Variants in SGTB observed in about 807,000 individuals in gnomAD.
SGTB encodes the protein small glutamine-rich tetratricopeptide repeat-containing protein beta.
A neutral mutation model predicts 43.9 loss-of-function variants in SGTB; 19 were observed. That is an observed-to-expected ratio of 0.43 (90% confidence interval 0.30 to 0.63). The LOEUF (loss-of-function observed/expected upper bound fraction) is 0.63, where lower values mean the gene tolerates loss of function less well. SGTB is among the 30% of genes least tolerant of loss of function. The pLI, the probability that SGTB is intolerant of heterozygous loss-of-function variation, is 0.12. For missense variants in SGTB, 304 were observed against 358.9 expected (o/e 0.85, Z 1.24); for synonymous variants, 116 against 117.3 (o/e 0.99, Z 0.07).
chr5:65,720,886 A>C, intron 1 of SGTB, 57 bp from the exon 2 acceptor site: 1 of 1,543,294 alleles, frequency 6.5e-7, no homozygotes, highest in South Asian at 1.2e-5. Context: ...CAGTCAGGAA[A>C]GTCATAAATT....
intron 5 of SGTB, among the ~76,000 whole-genome samples, chr5:65,697,622 C>G (rs2150714922): frequency 6.6e-6 from 1 of 152,212 alleles, no homozygotes; most frequent in South Asian, 2.1e-4. Flanking sequence ...GATTCATTCT[C>G]CACAAACTAT....
chr5:65,696,843 C>T lies in SGTB; in HGVS notation c.374+7436G>A, dbSNP rs570597994. 7.2e-5 allele frequency among the ~76,000 whole-genome samples: 11 copies of T among 152,026 alleles called. No individual in the cohort carries two copies. In the East Asian group the frequency reaches 2.1e-3, roughly 29 times the overall value. On this transcript the variant is annotated intron_variant, in intron 5 of 10. Coordinates refer to ENST00000381007, the MANE Select transcript of SGTB (RefSeq NM_019072.3). ...AAGCATCAGTAGGATCCTAAAAGGCCAAAATAGAAGACAAGTACCAGAAAA... is the reference window on the plus strand; with the variant it reads ...AAGCATCAGTAGGATCCTAAAAGGCTAAAATAGAAGACAAGTACCAGAAAA...
intron 5 of SGTB, among the ~76,000 whole-genome samples, chr5:65,702,586 C>T (rs1757845702): frequency 6.6e-6 from 1 of 152,166 alleles, no homozygotes; most frequent in South Asian, 2.1e-4. Flanking sequence ...GGGTACTCCT[C>T]CTGCTGTGTC....
At position 65,697,865 on chromosome 5, in the gene SGTB, T is replaced by C. The variant is rs1293426730; in HGVS notation, c.374+6414A>G. 3.3e-5 allele frequency among the ~76,000 whole-genome samples: 5 copies of C among 152,096 alleles called. No homozygotes were observed. The East Asian group carries it at 5.8e-4, about 18-fold the overall frequency. ...TAAGCAAACTGATATATTCAAACAA[T>C]AGAATATTATTGATCAATAAAAAAG... On this transcript the variant is annotated intron_variant, in intron 5 of 10. Transcript: ENST00000381007.
intron 5 of SGTB, among the ~76,000 whole-genome samples, chr5:65,695,099 T>C (rs1026869814): frequency 6.6e-6 from 1 of 151,654 alleles, no homozygotes; most frequent in African/African-American, 2.4e-5. Flanking sequence ...AAGACAGGAG[T>C]GGGGAGTGCA....
chr5:65,680,340 T>G (rs1426588232), intron 8 of SGTB, among the ~76,000 whole-genome samples, 154 bp downstream of exon 8: 1 of 151,996 alleles, frequency 6.6e-6, no homozygotes, highest in East Asian at 1.9e-4. Context: ...GAAATAAAAG[T>G]TGGAAATAAA....
chr5:65,694,714 G>A (rs1456729862), intron 5 of SGTB, among the ~76,000 whole-genome samples: 2 of 152,054 alleles, frequency 1.3e-5, no homozygotes, highest in African/African-American at 4.8e-5. Flanking sequence ...CTGACCTCAG[G>A]TGATTCACCC....
At chr5:65,710,641 C>T (rs1758026557) in intron 3 of SGTB, among the ~76,000 whole-genome samples, 1 of 152,148 alleles carries the variant, frequency 6.6e-6, no homozygotes, top group Admixed American at 6.6e-5. Context: ...ACTTTCTCTG[C>T]CATATTCTGT....
chr5:65,722,412 C>CA, upstream of SGTB: 1 of 1,588,706 alleles, frequency 6.3e-7, no homozygotes, highest in Non-Finnish European at 8.6e-7. Flanking sequence ...GAAGCCTCCG[C>CA]AGGTACCTCC....
At chr5:65,682,098 A>G (rs1757409137) in intron 6 of SGTB, among the ~76,000 whole-genome samples, 1 of 152,242 alleles carries the variant, frequency 6.6e-6, no homozygotes, top group Non-Finnish European at 1.5e-5. Flanking sequence ...AGCTGCTCAA[A>G]AAGTAGCCAC....
Position 65,703,780 on chromosome 5 carries a change from G to A in SGTB, c.374+499C>T, listed in dbSNP as rs1161335592. Among the ~76,000 whole-genome samples the A allele has an allele frequency of 2.0e-5, 3 of 151,858 alleles. 1 individual carries two copies. In the East Asian group the frequency reaches 5.8e-4, roughly 29 times the overall value. Reference sequence around the variant, plus strand: ...AGGCCGGGCGCGGTGGCTCACGCCTGTAATCCCAGCACTTTGGGAGGCTGA... The same window carrying A: ...AGGCCGGGCGCGGTGGCTCACGCCTATAATCCCAGCACTTTGGGAGGCTGA... On this transcript the variant is annotated intron_variant, in intron 5 of 10. Transcript: ENST00000381007.
At chr5:65,684,153 C>T (rs753331852) in intron 6 of SGTB, among the ~76,000 whole-genome samples, 13 of 151,864 alleles carry the variant, frequency 8.6e-5, no homozygotes, top group South Asian at 6.3e-4. Flanking sequence ...GACACGATCA[C>T]GGCTCACCAC....
intron 5 of SGTB, among the ~76,000 whole-genome samples, chr5:65,688,100 A>G (rs935398677): frequency 5.3e-5 from 8 of 152,226 alleles, no homozygotes; most frequent in African/African-American, 1.9e-4. Context: ...CAAAACTGCT[A>G]AACCAAATTT....
Position 65,680,552 on chromosome 5 carries a change from C to T in SGTB, c.623G>A (p.Gly208Glu). ...AGCCATGTCAAAGCTCAGTCCAGTT[C>T]CTGTCTGTAAAACAATTATATCTGA... Reference protein sequence around the residue: ...QKLREVSSPTGTGLSFDMASL... With the variant: ...QKLREVSSPTETGLSFDMASL... The change falls in exon 8 of 11, where the codon GGA becomes GAA. Residue 208 changes from glycine to glutamate, a missense_variant. Coordinates refer to ENST00000381007, the MANE Select transcript of SGTB (RefSeq NM_019072.3). The T allele has an allele frequency of 6.2e-7, 1 of 1,614,114 alleles. No individual in the cohort carries two copies. Among genetic ancestry groups the T allele is most frequent in the Non-Finnish European group, 8.5e-7 (1 of 1,180,004 alleles).
At chr5:65,697,304 C>T (rs939867432) in intron 5 of SGTB, among the ~76,000 whole-genome samples, 1 of 152,080 alleles carries the variant, frequency 6.6e-6, no homozygotes, top group African/African-American at 2.4e-5. Flanking sequence ...TTCAGTTTTA[C>T]AAAAATTAAA....
chr5:65,671,293 T>C (rs1757149239), intron 10 of SGTB, among the ~76,000 whole-genome samples: 1 of 152,188 alleles, frequency 6.6e-6, no homozygotes, highest in Non-Finnish European at 1.5e-5. Flanking sequence ...TGATTTTTAC[T>C]GTTTGTCTCC....
At position 65,680,496 on chromosome 5, in the gene SGTB, T is replaced by A; in HGVS notation, c.679A>T (p.Met227Leu). 6.2e-7 allele frequency: 1 copy of A among 1,613,550 alleles called. No homozygotes were observed. The highest frequency in any genetic ancestry group is 8.5e-7 in the Non-Finnish European group (1 of 1,179,978). ...SLINNPAFIS[M>L]AASLMQNPQV... ...GGCAGAAAAGAAAGTATACTCACCATACTAATGAAGGCTGGATTATTTATC... is the reference window on the plus strand; with the variant it reads ...GGCAGAAAAGAAAGTATACTCACCAAACTAATGAAGGCTGGATTATTTATC... The change falls in exon 8 of 11, where the codon ATG (methionine) becomes TTG (leucine). Residue 227 changes from methionine (M) to leucine (L), a missense_variant and splice_region_variant. By Grantham distance (15) the Met-to-Leu change is conservative (BLOSUM62 2). Coordinates refer to ENST00000381007, the MANE Select transcript of SGTB (RefSeq NM_019072.3).
chr5:65,706,014 C>T (rs1757927108), intron 4 of SGTB, among the ~76,000 whole-genome samples: 1 of 151,208 alleles, frequency 6.6e-6, no homozygotes, highest in South Asian at 2.1e-4. Context: ...CCACCCTGGT[C>T]GAAAGAGTGA....
intron 8 of SGTB, among the ~76,000 whole-genome samples, chr5:65,674,113 T>C (rs568998051): frequency 1.4e-3 from 220 of 152,334 alleles, no homozygotes; most frequent in Non-Finnish European, 2.7e-3. Flanking sequence ...TAGTTTTGCA[T>C]TGGTGCTTTT....
Sources: allele counts gnomAD v4.1 joint callset (sites outside exome capture counted in the v4.1 genomes callset), GRCh38; gene constraint gnomAD v4.1.1; transcripts MANE v1.5; gene names NCBI Gene and HGNC (gene_info 2026-07-23, HGNC 2026-07-21).